SLC30A8: variants seen among roughly 807,000 people sequenced by gnomAD.
SLC30A8 encodes proton-coupled zinc antiporter SLC30A8.
A neutral mutation model predicts 36.9 loss-of-function variants in SLC30A8; 27 were observed. The ratio of observed to expected loss-of-function variants is 0.73; its 90% CI spans 0.54 to 1.01. The LOEUF is 1.01. Ranked by LOEUF, SLC30A8 falls within the 50% of genes least tolerant of loss-of-function variation. The probability of loss-of-function intolerance (pLI) is 0.00; values close to 1 mark genes in which losing one functional copy is unlikely to be tolerated. For synonymous variants in SLC30A8, 164 were observed against 172.4 expected, an observed-to-expected ratio of 0.95 and a Z score of 0.38; for missense variants, 439 against 452.0, an observed-to-expected ratio of 0.97 and a Z score of 0.26.
rs1020319770 is a variant in SLC30A8 at position 117,105,491 on chromosome 8, A to G, written c.-225-29789A>G. Reference sequence around the variant, plus strand: ...ATGTACACATATGTGTGTTCTTTATATGAGTGTGTATATTAACGAATACGC... The same window carrying G: ...ATGTACACATATGTGTGTTCTTTATGTGAGTGTGTATATTAACGAATACGC... On this transcript the variant is annotated intron_variant, in intron 2 of 10. Coordinates refer to the SLC30A8 transcript ENST00000427715. Among the ~76,000 whole-genome samples, 12 of 152,152 alleles carry G rather than the reference A, an allele frequency of 7.9e-5. 1 individual carries two copies. Among genetic ancestry groups the G allele is most frequent in the South Asian group, 2.1e-4 (1 of 4,828 alleles).
intron 1 of SLC30A8, among the ~76,000 whole-genome samples, chr8:117,034,590 G>C (rs937324814): frequency 1.3e-5 from 2 of 152,172 alleles, no homozygotes; most frequent in Non-Finnish European, 2.9e-5. Flanking sequence ...AGGTGCTAGA[G>C]CTGGGGTTTG....
At chr8:117,101,077 G>A (rs1819695788) in intron 2 of SLC30A8, among the ~76,000 whole-genome samples, 1 of 152,076 alleles carries the variant, frequency 6.6e-6, no homozygotes, top group Non-Finnish European at 1.5e-5. Context: ...TACCAGATAA[G>A]TTTTAATCTT....
chr8:117,095,563 C>T (rs11988506), intron 2 of SLC30A8, among the ~76,000 whole-genome samples: 14,327 of 152,044 alleles, frequency 0.094, 1,097 homozygotes, highest in African/African-American at 0.21. Flanking sequence ...ATCTCCCAAA[C>T]GGAGTTAATC....
chr8:117,112,931 A>G (rs920654881), intron 2 of SLC30A8, among the ~76,000 whole-genome samples: 1 of 152,090 alleles, frequency 6.6e-6, no homozygotes, highest in African/African-American at 2.4e-5. Context: ...TGAGTGTTTT[A>G]CTATTTGTTC....
At chr8:117,036,528 A>G (rs528914273) in intron 1 of SLC30A8, among the ~76,000 whole-genome samples, 3 of 152,310 alleles carry the variant, frequency 2.0e-5, no homozygotes, top group East Asian at 1.9e-4. Flanking sequence ...TCACGGTTCG[A>G]CATGGCTGGG....
intron 1 of SLC30A8, among the ~76,000 whole-genome samples, chr8:117,030,832 A>G (rs1452837828): frequency 1.3e-5 from 2 of 152,210 alleles, no homozygotes; most frequent in Non-Finnish European, 2.9e-5. Flanking sequence ...TCTCTCTCCT[A>G]GTCACACTTG....
chr8:116,995,589 A>G (rs1815787055), intron 1 of SLC30A8, among the ~76,000 whole-genome samples: 1 of 152,076 alleles, frequency 6.6e-6, no homozygotes, highest in Non-Finnish European at 1.5e-5. Context: ...TGCAGCTAAG[A>G]CACTATGTGA....
chr8:117,080,813 T>G (rs1818651816), intron 2 of SLC30A8, among the ~76,000 whole-genome samples: 1 of 152,212 alleles, frequency 6.6e-6, no homozygotes, highest in South Asian at 2.1e-4. Context: ...ACATGCATCC[T>G]TTTGCTAGGA....
intron 4 of SLC30A8, among the ~76,000 whole-genome samples, chr8:117,158,834 AC>A (rs1822635631): frequency 6.6e-6 from 1 of 152,174 alleles, no homozygotes; most frequent in Non-Finnish European, 1.5e-5. Context: ...CAGAATAATG[AC>A]CCATTCTCCT....
chr8:117,011,123 G>C (rs909202461), intron 1 of SLC30A8, among the ~76,000 whole-genome samples: 9 of 152,166 alleles, frequency 5.9e-5, no homozygotes, highest in Non-Finnish European at 1.2e-4. Flanking sequence ...GAGAACGAGG[G>C]TAACTCATAG....
chr8:117,157,222 C>T (rs183655730), intron 3 of SLC30A8, among the ~76,000 whole-genome samples: 2 of 152,278 alleles, frequency 1.3e-5, no homozygotes, highest in East Asian at 3.9e-4. Context: ...TTCAAGTGCT[C>T]TCTGAAGCTT....
At chr8:117,085,705 C>T (rs1230285035) in intron 2 of SLC30A8, among the ~76,000 whole-genome samples, 1 of 152,128 alleles carries the variant, frequency 6.6e-6, no homozygotes, top group African/African-American at 2.4e-5. Flanking sequence ...ACAATCCTAG[C>T]AGGTAATAAC....
At chr8:116,968,370 GTATAT>G (rs1396532156) in intron 1 of SLC30A8, among the ~76,000 whole-genome samples, 3 of 149,744 alleles carry the variant, frequency 2.0e-5, no homozygotes, top group South Asian at 4.2e-4. Flanking sequence ...ATAAGCTATA[GTATAT>G]TATATAGTAT....
intron 1 of SLC30A8, among the ~76,000 whole-genome samples, chr8:117,029,973 A>G (rs2130737822): frequency 6.6e-6 from 1 of 152,282 alleles, no homozygotes; most frequent in East Asian, 1.9e-4. Context: ...TTTTTTTAAA[A>G]CTAAGAACCT....
chr8:117,053,182 G>A (rs1817763885), intron 2 of SLC30A8, among the ~76,000 whole-genome samples: 1 of 152,184 alleles, frequency 6.6e-6, no homozygotes, highest in South Asian at 2.1e-4. Flanking sequence ...GCCCGCTTCG[G>A]CCTCCCAAAG....
At chr8:117,052,909 C>CTTTTTTTTTTTTT (rs35990196) in intron 2 of SLC30A8, among the ~76,000 whole-genome samples, 1 of 143,592 alleles carries the variant, frequency 7.0e-6, no homozygotes, top group African/African-American at 2.6e-5. Flanking sequence ...CCTTTTTTTT[C>CTTTTTTTTTTTTT]TTTTTTTTTT....
intron 2 of SLC30A8, among the ~76,000 whole-genome samples, chr8:117,068,676 A>G (rs1402178156): frequency 2.0e-5 from 3 of 152,044 alleles, no homozygotes; most frequent in Non-Finnish European, 4.4e-5. Context: ...TCCTGAGTTC[A>G]AGCGATTCTC....
At chr8:117,065,466 C>T (rs1216031885) in intron 2 of SLC30A8, among the ~76,000 whole-genome samples, 2 of 152,130 alleles carry the variant, frequency 1.3e-5, no homozygotes, top group Non-Finnish European at 2.9e-5. Context: ...TCCCTACATA[C>T]CTTAGTAAAT....
chr8:117,101,508 A>T (rs1187106406), intron 2 of SLC30A8, among the ~76,000 whole-genome samples: 1 of 152,200 alleles, frequency 6.6e-6, no homozygotes, highest in Non-Finnish European at 1.5e-5. Flanking sequence ...GAGTTTGAAA[A>T]GAACATTTCC....
Sources: gnomAD v4.1 joint callset for allele counts (sites outside exome capture counted in the v4.1 genomes callset) on GRCh38, gnomAD v4.1.1 for gene constraint, MANE v1.5 for transcripts, NCBI Gene and HGNC (gene_info 2026-07-23, HGNC 2026-07-21) for gene names.